Variants in TBC1D22B observed in about 807,000 individuals in gnomAD.
TBC1D22B encodes TBC1 domain family member 22B.
A neutral mutation model predicts 69.1 loss-of-function variants in TBC1D22B; 32 were observed. The ratio of observed to expected loss-of-function variants is 0.46; its 90% CI spans 0.35 to 0.62. The LOEUF is 0.62. TBC1D22B is among the 20% of genes least tolerant of loss of function. The pLI, the probability that TBC1D22B is intolerant of heterozygous loss-of-function variation, is 0.00. For missense variants in TBC1D22B, 462 were observed against 630.9 expected, an observed-to-expected ratio of 0.73 and a Z score of 2.87; for synonymous variants, 206 against 229.8, an observed-to-expected ratio of 0.90 and a Z score of 0.94.
At chr6:37,285,176 C>G (rs1479264809) in intron 6 of TBC1D22B, among the ~76,000 whole-genome samples, 2 of 152,136 alleles carry the variant, frequency 1.3e-5, no homozygotes, top group Non-Finnish European at 2.9e-5. Context: ...GCTGCTGCTG[C>G]TGACACAGTC....
At chr6:37,308,299 C>T (rs1015119073) in intron 8 of TBC1D22B, among the ~76,000 whole-genome samples, 13 of 152,162 alleles carry the variant, frequency 8.5e-5, no homozygotes, top group Non-Finnish European at 4.4e-5. Flanking sequence ...TGTTGAATTT[C>T]CTCAAGTGGA....
At chr6:37,275,225 A>G (rs1307564158) in intron 2 of TBC1D22B, among the ~76,000 whole-genome samples, 1 of 152,214 alleles carries the variant, frequency 6.6e-6, no homozygotes, top group Non-Finnish European at 1.5e-5. Context: ...TGGGGTCAAC[A>G]GAAAGGGGTG....
At position 37,327,432 on chromosome 6, in the gene TBC1D22B, C is replaced by G. The variant is rs372199020; in HGVS notation, c.1390-3612C>G. Among the ~76,000 whole-genome samples the G allele has an allele frequency of 3.5e-4, 25 of 71,376 alleles. No individual in the cohort carries two copies. The East Asian group carries it at 8.1e-3, about 23-fold the overall frequency. The allele number at this position is 71,376 out of a possible 152,430, so 46.8% of individuals were successfully genotyped here. On this transcript the variant is annotated intron_variant, in intron 12 of 12. Transcript: ENST00000373491. ...GGCGGAGCTTGCAGTGAGCCGAGAT[C>G]GTGCCACTGCACTCCAGCCTGGGCG...
chr6:37,265,748 G>A (rs756246216), intron 1 of TBC1D22B, among the ~76,000 whole-genome samples: 1 of 152,016 alleles, frequency 6.6e-6, no homozygotes, highest in Non-Finnish European at 1.5e-5. Flanking sequence ...AGAGGTTTAG[G>A]GAGTAAAGAT....
chr6:37,270,413 T>G (rs1037329668), intron 2 of TBC1D22B, among the ~76,000 whole-genome samples: 42 of 152,082 alleles, frequency 2.8e-4, no homozygotes, highest in African/African-American at 9.7e-4. Flanking sequence ...ATCATGCCAT[T>G]GCACTCCAGC....
At chr6:37,331,022 A>G in intron 12 of TBC1D22B, 22 bp from the exon 13 acceptor site, 1 of 1,613,676 alleles carries the variant, frequency 6.2e-7, no homozygotes, top group African/African-American at 1.3e-5. Context: ...GTATGATATA[A>G]AAGTCCTTTC....
rs578196727 is a variant in TBC1D22B at position 37,327,385 on chromosome 6, G to A, written c.1390-3659G>A. Among the ~76,000 whole-genome samples the A allele has an allele frequency of 9.4e-4, 119 of 126,810 alleles. 18 individuals are homozygous for A. The highest frequency in any genetic ancestry group is 3.2e-3 in the African/African-American group (96 of 29,572). The allele number at this position is 126,810 out of a possible 152,430, so 83.2% of individuals were successfully genotyped here. A position where few individuals can be genotyped will look rare whatever the true frequency, so the allele number is the denominator to read the frequency against. ...CCCAGCTGCTCGGGAGGCTGAGGCA[G>A]GAGAATGGCGTGAACCCGGGAGGCG... is the stretch of plus-strand genomic sequence containing the variant. On this transcript the variant is annotated intron_variant, in intron 12 of 12. Transcript: ENST00000373491.
intron 10 of TBC1D22B, among the ~76,000 whole-genome samples, chr6:37,315,939 A>T (rs944831432): frequency 3.9e-5 from 6 of 152,234 alleles, no homozygotes; most frequent in Non-Finnish European, 8.8e-5. Flanking sequence ...TCCAGGTGCC[A>T]TTGTAAGCAC....
At chr6:37,317,558 A>C (rs1768118523) in intron 12 of TBC1D22B, among the ~76,000 whole-genome samples, 2 of 152,224 alleles carry the variant, frequency 1.3e-5, no homozygotes, top group African/African-American at 4.8e-5. Flanking sequence ...CTCTGTTCTC[A>C]TAAAGCTTAC....
At chr6:37,308,543 A>C in intron 8 of TBC1D22B, among the ~76,000 whole-genome samples, 1 of 152,150 alleles carries the variant, frequency 6.6e-6, no homozygotes, top group East Asian at 1.9e-4. Flanking sequence ...CTAATGGGCA[A>C]ACAACAGCCC....
At chr6:37,290,022 C>G (rs372927952) in intron 7 of TBC1D22B, among the ~76,000 whole-genome samples, 3 of 152,144 alleles carry the variant, frequency 2.0e-5, no homozygotes, top group Non-Finnish European at 1.5e-5. Flanking sequence ...TCTGTTTGCC[C>G]GCTGTAGGCA....
chr6:37,264,191 A>G, intron 1 of TBC1D22B, among the ~76,000 whole-genome samples: 1 of 152,200 alleles, frequency 6.6e-6, no homozygotes, highest in East Asian at 1.9e-4. Context: ...AAAATCATAC[A>G]TTATTTAGGG....
At chr6:37,291,113 C>T in intron 7 of TBC1D22B, 130 bp from the exon 8 acceptor site, 1 of 683,006 alleles carries the variant, frequency 1.5e-6, no homozygotes, top group Non-Finnish European at 2.6e-6. Context: ...CTTCTTTATC[C>T]CACAGTATCT....
intron 12 of TBC1D22B, among the ~76,000 whole-genome samples, chr6:37,328,575 G>T (rs953800364): frequency 6.6e-6 from 1 of 151,982 alleles, no homozygotes; most frequent in African/African-American, 2.4e-5. Context: ...AAATGCTTAC[G>T]GTAAATGTTG....
intron 10 of TBC1D22B, among the ~76,000 whole-genome samples, chr6:37,315,290 TG>T (rs1768043632): frequency 6.6e-6 from 1 of 152,104 alleles, no homozygotes; most frequent in Non-Finnish European, 1.5e-5. Flanking sequence ...TTAAACAGGC[TG>T]GGGACGGTGA....
At chr6:37,305,136 C>A (rs1017570786) in intron 8 of TBC1D22B, among the ~76,000 whole-genome samples, 2 of 152,202 alleles carry the variant, frequency 1.3e-5, no homozygotes, top group African/African-American at 4.8e-5. Flanking sequence ...GCTCGCCCCC[C>A]ACGCTCAGTC....
rs1291282542 is a variant in TBC1D22B, at chr6:37,320,772, A to G, written c.1389+3566A>G. Among the ~76,000 whole-genome samples, 4 of 152,292 alleles carry G rather than the reference A, an allele frequency of 2.6e-5. No homozygotes were observed. The East Asian group carries it at 7.7e-4, about 29-fold the overall frequency. The stretch of plus-strand genomic sequence containing the variant: ...AACTGACAAAGGAGATCACACTGAG[A>G]GGTTTCCTTCCTGAGACCGCTGGGC... On this transcript the variant is annotated intron_variant, in intron 12 of 12. Transcript: ENST00000373491.
At chr6:37,276,947 C>G (rs6903801) in intron 2 of TBC1D22B, among the ~76,000 whole-genome samples, 4,839 of 152,100 alleles carry the variant, frequency 0.032, 241 homozygotes, top group African/African-American at 0.11. Flanking sequence ...GCATAAAAAG[C>G]GTATGAAGAA....
rs73421916 is a variant in TBC1D22B at position 37,287,110 on chromosome 6, C to T, written c.867+38C>T. 11,654 of 1,544,114 alleles carry T rather than the reference C, an allele frequency of 7.5e-3. 492 individuals are homozygous for T. The African/African-American group carries it at 0.11, about 15-fold the overall frequency. On this transcript the variant is annotated intron_variant, in intron 7 of 12. Transcript: ENST00000373491. ...CTTAATGTTCTTTGGCGCTTCTCCC[C>T]GCATAGTTCTGTGGCACCTGTTTAC...
Sources: gnomAD v4.1 joint callset for allele counts (sites outside exome capture counted in the v4.1 genomes callset) on GRCh38, gnomAD v4.1.1 for gene constraint, MANE v1.5 for transcripts, NCBI Gene and HGNC (gene_info 2026-07-23, HGNC 2026-07-21) for gene names.